Variants in PRELID2 observed in about 807,000 individuals in gnomAD.
PRELID2 encodes PRELI domain containing 2.
Under a neutral mutation model 28.4 loss-of-function variants are expected in PRELID2, and 25 were observed. The ratio of observed to expected loss-of-function variants is 0.88; its 90% confidence interval spans 0.64 to 1.23. PRELID2 has a LOEUF of 1.23. PRELID2 is among the 50% of genes most tolerant of loss of function. The pLI, the probability that PRELID2 is intolerant of heterozygous loss-of-function variation, is 0.00. For missense variants in PRELID2, 201 were observed against 214.4 expected, an observed-to-expected ratio of 0.94 and a Z score of 0.39; for synonymous variants, 76 against 71.6, an observed-to-expected ratio of 1.06 and a Z score of -0.31.
intron 4 of PRELID2, among the ~76,000 whole-genome samples, chr5:145,797,487 G>C (rs1340195346): frequency 6.6e-6 from 1 of 152,050 alleles, no homozygotes; most frequent in Non-Finnish European, 1.5e-5. Flanking sequence ...CTTTAAGAGG[G>C]GCATGACTCA....
At chr5:145,706,706 A>G (rs1755557098) in intron 1 of PRELID2, among the ~76,000 whole-genome samples, 1 of 152,242 alleles carries the variant, frequency 6.6e-6, no homozygotes, top group South Asian at 2.1e-4. Context: ...ACTGAAATAT[A>G]AAATAAAATA....
At chr5:145,589,741 A>C (rs1262571557) in intron 1 of PRELID2, among the ~76,000 whole-genome samples, 3 of 152,012 alleles carry the variant, frequency 2.0e-5, no homozygotes, top group Non-Finnish European at 1.5e-5. Context: ...TCTTATACTG[A>C]TTTCATGTTT....
At chr5:145,639,797 A>G (rs1268630179) in intron 1 of PRELID2, among the ~76,000 whole-genome samples, 1 of 152,230 alleles carries the variant, frequency 6.6e-6, no homozygotes, top group African/African-American at 2.4e-5. Context: ...AGAAAGAAAA[A>G]AAGATTTAAT....
chr5:145,717,059 T>C (rs992615392), intron 1 of PRELID2, among the ~76,000 whole-genome samples: 1 of 152,130 alleles, frequency 6.6e-6, no homozygotes, highest in Non-Finnish European at 1.5e-5. Flanking sequence ...TGAAACTATA[T>C]AAGAAGATAT....
the PRELID2 span, among the ~76,000 whole-genome samples, chr5:145,310,193 A>G: frequency 6.6e-6 from 1 of 152,228 alleles, no homozygotes; most frequent in African/African-American, 2.4e-5. Flanking sequence ...ACACTTAATA[A>G]GTGTCTGAAA....
the PRELID2 span, among the ~76,000 whole-genome samples, chr5:145,322,814 G>A: frequency 2.6e-5 from 4 of 151,958 alleles, no homozygotes; most frequent in African/African-American, 9.7e-5. Flanking sequence ...TTGGGAGGCC[G>A]AGGTGGGTGG....
At position 145,605,797 on chromosome 5, in the gene PRELID2, A is replaced by G. The variant is rs115715714; in HGVS notation, n.71-132482T>C. On this transcript the variant is annotated intron_variant and non_coding_transcript_variant, in intron 1 of 2. Transcript: ENST00000510259. ...TGAAGAATGAAGAATGATGAATACA[A>G]TTGAAGAATGTCATTGATAGTTTAA... Among the ~76,000 whole-genome samples the G allele has an allele frequency of 5.2e-3, 787 of 151,996 alleles. 8 individuals are homozygous for G. Among genetic ancestry groups the G allele is most frequent in the African/African-American group, 0.018 (743 of 41,536 alleles).
At chr5:145,780,910 A>G (rs1751540974) in intron 5 of PRELID2, among the ~76,000 whole-genome samples, 1 of 152,218 alleles carries the variant, frequency 6.6e-6, no homozygotes, top group African/African-American at 2.4e-5. Context: ...GCTGGAATCT[A>G]AGGAAAGAAG....
intron 1 of PRELID2, among the ~76,000 whole-genome samples, chr5:145,505,900 G>A (rs553283016): frequency 1.8e-3 from 278 of 152,222 alleles, no homozygotes; most frequent in Non-Finnish European, 3.0e-3. Context: ...GTCACAGAAG[G>A]ACAAATACTG....
chr5:145,711,162 T>A (rs1347124), intron 1 of PRELID2, among the ~76,000 whole-genome samples: 29,135 of 152,136 alleles, frequency 0.19, 3,286 homozygotes, highest in African/African-American at 0.32. Context: ...ACAATTTAAC[T>A]GAACAAAAAT....
chr5:145,467,695 G>A (rs1752014250), downstream of PRELID2, among the ~76,000 whole-genome samples: 1 of 151,536 alleles, frequency 6.6e-6, no homozygotes, highest in African/African-American at 2.4e-5. Context: ...AGCAATTCAT[G>A]GCCTTAATTG....
intron 1 of PRELID2, among the ~76,000 whole-genome samples, chr5:145,544,983 A>G (rs1752773643): frequency 6.6e-6 from 1 of 152,082 alleles, no homozygotes; most frequent in African/African-American, 2.4e-5. Context: ...TTTTTCTTCA[A>G]ACCCACACTC....
the PRELID2 span, among the ~76,000 whole-genome samples, chr5:145,460,888 A>G: frequency 6.6e-6 from 1 of 152,372 alleles, no homozygotes; most frequent in African/African-American, 2.4e-5. Context: ...TATTTCAAAG[A>G]TGTTTTATAT....
At chr5:145,681,707 C>T (rs1754939363) in intron 1 of PRELID2, among the ~76,000 whole-genome samples, 1 of 152,166 alleles carries the variant, frequency 6.6e-6, no homozygotes, top group Non-Finnish European at 1.5e-5. Context: ...ACTGCACCCC[C>T]TTCTCTCCTG....
At chr5:145,432,395 T>C in the PRELID2 span, among the ~76,000 whole-genome samples, 1 of 111,104 alleles carries the variant, frequency 9.0e-6, no homozygotes. Context: ...AAAGCATAAA[T>C]GAAAAACTTT....
the PRELID2 span, among the ~76,000 whole-genome samples, chr5:145,378,395 A>G: frequency 6.6e-6 from 1 of 152,042 alleles, no homozygotes; most frequent in Non-Finnish European, 1.5e-5. Flanking sequence ...AGTTGGTTTC[A>G]TTCTCCCCAT....
At chr5:145,498,431 A>T (rs1178532013) in intron 1 of PRELID2, among the ~76,000 whole-genome samples, 2 of 152,160 alleles carry the variant, frequency 1.3e-5, no homozygotes, top group Non-Finnish European at 2.9e-5. Context: ...AGGCTGTGGC[A>T]AAAGGATCAC....
chr5:145,376,061 G>C, the PRELID2 span, among the ~76,000 whole-genome samples: 1 of 152,144 alleles, frequency 6.6e-6, no homozygotes, highest in Non-Finnish European at 1.5e-5. Context: ...TTATTTTGAG[G>C]TATTTGCCTT....
At chr5:145,457,822 G>C in the PRELID2 span, among the ~76,000 whole-genome samples, 1 of 152,074 alleles carries the variant, frequency 6.6e-6, no homozygotes, top group African/African-American at 2.4e-5. Context: ...CTCTCTATTG[G>C]GGTTACATAT....
Sources: allele counts gnomAD v4.1 joint callset (sites outside exome capture counted in the v4.1 genomes callset), GRCh38; gene constraint gnomAD v4.1.1; transcripts MANE v1.5; gene names NCBI Gene and HGNC (gene_info 2026-07-23, HGNC 2026-07-21).